Variants in NAXD observed in about 807,000 individuals in gnomAD.
The protein encoded by NAXD is ATP-dependent (S)-NAD(P)H-hydrate dehydratase.
A neutral mutation model predicts 35.8 loss-of-function variants in NAXD; 22 were observed. The ratio of observed to expected loss-of-function variants is 0.62; its 90% CI spans 0.44 to 0.88. The LOEUF is 0.88. Among genes scored for constraint, NAXD ranks in the 40% least tolerant of loss-of-function variants. NAXD has a pLI of 0.00. For missense variants in NAXD, 428 were observed against 437.7 expected (o/e 0.98, Z 0.20); for synonymous variants, 189 against 177.6 (o/e 1.06, Z -0.51).
intron 1 of NAXD, among the ~76,000 whole-genome samples, chr13:110,618,385 G>C (rs536725988): frequency 2.6e-5 from 4 of 152,252 alleles, no homozygotes; most frequent in South Asian, 4.2e-4. Context: ...AGGAGGAGGC[G>C]ACTCCCGCTG....
At chr13:110,629,737 C>T (rs1886635670) in intron 5 of NAXD, among the ~76,000 whole-genome samples, 2 of 152,180 alleles carry the variant, frequency 1.3e-5, no homozygotes, top group Non-Finnish European at 2.9e-5. Flanking sequence ...TTGGTTTCCA[C>T]TTTTTGTGTG....
chr13:110,633,155 CA>C (rs527557398), intron 5 of NAXD, among the ~76,000 whole-genome samples: 162 of 152,316 alleles, frequency 1.1e-3, no homozygotes, highest in South Asian at 5.8e-3. Flanking sequence ...TGGCGGGCTG[CA>C]GGTCCCGAGC....
At position 110,638,756 on chromosome 13, in the gene NAXD, G is replaced by A; in HGVS notation, c.*228G>A. ...TGGCGACACTAAACAAAGTATTCCTGAACTTTCCTTAGCTCCTTGGTAGTA... is the reference window on the plus strand; with the variant it reads ...TGGCGACACTAAACAAAGTATTCCTAAACTTTCCTTAGCTCCTTGGTAGTA... On this transcript the variant is annotated 3_prime_UTR_variant, in exon 10 of 10. Transcript: ENST00000680254. This position sits in a 1 kb window ranked among gnomAD's most constrained non-coding sequence, Gnocchi z 5.4. 2.9e-6 allele frequency: 2 copies of A among 692,644 alleles called. No homozygotes were observed. The highest frequency in any genetic ancestry group is 5.3e-6 in the Non-Finnish European group (2 of 379,816). The allele number at this position is 692,644 out of a possible 1,614,324, so 42.9% of individuals were successfully genotyped here. A position where few individuals can be genotyped will look rare whatever the true frequency, so the allele number is the denominator to read the frequency against.
chr13:110,626,592 G>C (rs957950350), intron 4 of NAXD, among the ~76,000 whole-genome samples: 2 of 152,062 alleles, frequency 1.3e-5, no homozygotes, highest in African/African-American at 2.4e-5. Context: ...TTGGCACTCA[G>C]ATGCTGGGAG....
chr13:110,636,641 T>C (rs764158940), intron 8 of NAXD, among the ~76,000 whole-genome samples: 3 of 152,196 alleles, frequency 2.0e-5, no homozygotes, highest in Non-Finnish European at 2.9e-5. Flanking sequence ...TTCAAAGAAA[T>C]AGAGAATTCC....
intron 1 of NAXD, among the ~76,000 whole-genome samples, chr13:110,620,377 C>G (rs1258933196): frequency 1.3e-5 from 2 of 151,694 alleles, no homozygotes; most frequent in Admixed American, 6.6e-5. Context: ...GTCAGGAGAT[C>G]GAGACCACCC....
intron 3 of NAXD, 110 bp downstream of exon 3, chr13:110,624,389 G>T: frequency 1.4e-6 from 1 of 713,810 alleles, no homozygotes. Context: ...ATATCTTAGG[G>T]TAATCATAGC....
rs539854454 is a variant in NAXD, at chr13:110,621,639, T to G, written c.47-577T>G. The stretch of plus-strand genomic sequence containing the variant: ...TGAACCCAGGAGGTGGAGGTTGCAG[T>G]GAGCAGGATCGTGCCACTGCACTCC... On this transcript the variant is annotated intron_variant, in intron 1 of 9. Coordinates refer to ENST00000680254, the MANE Select transcript of NAXD (RefSeq NM_001242882.2). Among the ~76,000 whole-genome samples the G allele has an allele frequency of 2.0e-5, 3 of 152,202 alleles. No homozygotes were observed. In the East Asian group the frequency reaches 5.8e-4, roughly 29 times the overall value.
At chr13:110,620,262 T>A (rs1886208517) in intron 1 of NAXD, among the ~76,000 whole-genome samples, 1 of 151,158 alleles carries the variant, frequency 6.6e-6, no homozygotes, top group Non-Finnish European at 1.5e-5. Context: ...CCGGGTCTTG[T>A]GTGTTGGTCT....
At chr13:110,633,360 C>A (rs1353333251) in intron 5 of NAXD, among the ~76,000 whole-genome samples, 8 of 152,238 alleles carry the variant, frequency 5.3e-5, no homozygotes, top group Non-Finnish European at 2.9e-5. Context: ...ACCCGGAACT[C>A]CAGCTGGCCC....
At chr13:110,633,295 G>A (rs1237081874) in intron 5 of NAXD, among the ~76,000 whole-genome samples, 5 of 152,146 alleles carry the variant, frequency 3.3e-5, no homozygotes, top group Non-Finnish European at 5.9e-5. Context: ...TCATTGCCCC[G>A]GGCCAGCAGG....
At chr13:110,625,136 TGG>T in intron 3 of NAXD, 52 bp from the exon 4 acceptor site, 1 of 1,323,114 alleles carries the variant, frequency 7.6e-7, no homozygotes. Flanking sequence ...GTCTGGCGGG[TGG>T]GCAGCGATGC....
chr13:110,637,393 C>T (rs1886970683), intron 9 of NAXD, 144 bp downstream of exon 9: 1 of 1,006,798 alleles, frequency 9.9e-7, no homozygotes. Context: ...CACAGACGAA[C>T]CCTCTTGGCA....
At chr13:110,622,187 C>T in intron 1 of NAXD, 29 bp from the exon 2 acceptor site, 4 of 1,590,016 alleles carry the variant, frequency 2.5e-6, no homozygotes, top group Non-Finnish European at 3.4e-6. Flanking sequence ...GTTTACCTTT[C>T]TGAATTATTC....
intron 9 of NAXD, 125 bp downstream of exon 9, chr13:110,637,374 A>C (rs2139654566): frequency 8.6e-7 from 1 of 1,168,774 alleles, no homozygotes. Context: ...TTCACTGGAG[A>C]GATCTCGGCA....
At chr13:110,635,869 G>A (rs1035837474) in intron 8 of NAXD, among the ~76,000 whole-genome samples, 14 of 152,264 alleles carry the variant, frequency 9.2e-5, no homozygotes, top group South Asian at 2.1e-4. Flanking sequence ...GCAGTCTGGC[G>A]GGAGGGTGCC....
chr13:110,616,715 C>T (rs1383638641), intron 1 of NAXD, among the ~76,000 whole-genome samples: 1 of 152,170 alleles, frequency 6.6e-6, no homozygotes, highest in Non-Finnish European at 1.5e-5. Flanking sequence ...TCTCATTTCT[C>T]ATAAGGAGAG....
Position 110,627,535 on chromosome 13 carries a change from C to G in NAXD, c.429C>G (p.Leu143=). The G allele has an allele frequency of 1.2e-6, 2 of 1,611,982 alleles. No homozygotes were observed. The highest frequency in any genetic ancestry group is 1.7e-6 in the Non-Finnish European group (2 of 1,178,110). ...GCTTGGGTAGAGATGATGCGCTTCT[C>G]AGAAATGTCCAGGTAATGTGTATAC... ...GPGLGRDDAL[L]RNVQGILEVS... Residue 143 remains leucine (L), a synonymous_variant, in exon 5 of 10, where the codon CTC becomes CTG. Coordinates refer to ENST00000680254, the MANE Select transcript of NAXD (RefSeq NM_001242882.2).
intron 8 of NAXD, 100 bp downstream of exon 8, chr13:110,635,688 G>C (rs543833106): frequency 7.4e-7 from 1 of 1,347,586 alleles, no homozygotes; most frequent in African/African-American, 1.4e-5. Context: ...GCACACCCGT[G>C]TTCACACACA....
Sources: allele counts gnomAD v4.1 joint callset (sites outside exome capture counted in the v4.1 genomes callset), GRCh38; gene constraint gnomAD v4.1.1; non-coding constraint Gnocchi (gnomAD v3.1); transcripts MANE v1.5; gene names NCBI Gene and HGNC (gene_info 2026-07-23, HGNC 2026-07-21).